The following MAF variants were observed in gnomAD, a reference collection of about 807,000 sequenced individuals.
MAF encodes transcription factor Maf.
A neutral mutation model predicts 22.0 loss-of-function variants in MAF; 10 were observed. That is an observed-to-expected ratio of 0.45 (90% CI 0.28 to 0.77). The LOEUF (loss-of-function observed/expected upper bound fraction) is 0.77, where lower values mean the gene tolerates loss of function less well. Among genes scored for constraint, MAF ranks in the 30% least tolerant of loss-of-function variants. The probability of loss-of-function intolerance (pLI) is 0.12; values close to 1 mark genes in which losing one functional copy is unlikely to be tolerated. For synonymous variants in MAF, 337 were observed against 255.8 expected (o/e 1.32, Z -3.03); for missense variants, 544 against 548.4 (o/e 0.99, Z 0.08).
the MAF span, among the ~76,000 whole-genome samples, chr16:79,529,998 A>G: frequency 6.6e-6 from 1 of 152,170 alleles, no homozygotes; most frequent in African/African-American, 2.4e-5. Flanking sequence ...TTAATTTTCA[A>G]TAGAGGATGA....
At chr16:79,305,757 G>A in the MAF span, among the ~76,000 whole-genome samples, 821 of 152,334 alleles carry the variant, frequency 5.4e-3, 5 homozygotes, top group Non-Finnish European at 9.2e-3. Flanking sequence ...GGAATTTACT[G>A]AAAGGTCAAT....
At chr16:79,575,855 A>G in the MAF span, among the ~76,000 whole-genome samples, 7 of 152,272 alleles carry the variant, frequency 4.6e-5, no homozygotes, top group Non-Finnish European at 7.4e-5. Flanking sequence ...AAATTAACAC[A>G]TTCTTATACT....
At chr16:79,498,065 T>A in the MAF span, among the ~76,000 whole-genome samples, 1 of 152,162 alleles carries the variant, frequency 6.6e-6, no homozygotes, top group Non-Finnish European at 1.5e-5. Context: ...TGCACCCAGA[T>A]GAAATCAGCA....
chr16:79,229,754 C>G, the MAF span, among the ~76,000 whole-genome samples: 2 of 151,962 alleles, frequency 1.3e-5, no homozygotes, highest in South Asian at 2.1e-4. Context: ...ATACTTTGTA[C>G]CTCCGGGATT....
the MAF span, among the ~76,000 whole-genome samples, chr16:79,334,598 C>A: frequency 6.6e-6 from 1 of 152,104 alleles, no homozygotes; most frequent in South Asian, 2.1e-4. Flanking sequence ...GGGTCTCTTG[C>A]TAAAAAATTC....
At chr16:79,472,314 A>G in the MAF span, among the ~76,000 whole-genome samples, 1 of 152,234 alleles carries the variant, frequency 6.6e-6, no homozygotes, top group Non-Finnish European at 1.5e-5. Flanking sequence ...AAAGACTTCT[A>G]TGTGAATTCA....
the MAF span, among the ~76,000 whole-genome samples, chr16:79,493,187 GTTT>G: frequency 1.4e-5 from 2 of 140,530 alleles, no homozygotes; most frequent in African/African-American, 2.6e-5. Context: ...TTGTTTTTTT[GTTT>G]TTGTTTTTTT....
chr16:79,213,840 T>C, the MAF span, among the ~76,000 whole-genome samples: 6 of 152,232 alleles, frequency 3.9e-5, no homozygotes, highest in African/African-American at 7.2e-5. Context: ...GATTACATGT[T>C]ACTCAGCAAA....
chr16:79,380,140 A>T, the MAF span, among the ~76,000 whole-genome samples: 1 of 152,218 alleles, frequency 6.6e-6, no homozygotes, highest in African/African-American at 2.4e-5. Flanking sequence ...CTCACTATTT[A>T]ATCATGGCTG....
the MAF span, among the ~76,000 whole-genome samples, chr16:79,423,646 T>C: frequency 2.6e-3 from 399 of 152,320 alleles, 3 homozygotes; most frequent in African/African-American, 9.1e-3. Context: ...TCAACAGAGA[T>C]AGCATGTCCC....
chr16:79,330,903 T>G, the MAF span, among the ~76,000 whole-genome samples: 1 of 152,190 alleles, frequency 6.6e-6, no homozygotes, highest in Non-Finnish European at 1.5e-5. Flanking sequence ...TTCCCATCCC[T>G]TCTGCAAAGC....
chr16:79,455,054 C>G, the MAF span, among the ~76,000 whole-genome samples: 2 of 151,666 alleles, frequency 1.3e-5, no homozygotes, highest in African/African-American at 4.8e-5. Flanking sequence ...CGAGATCGCA[C>G]CATTGCACTA....
chr16:79,555,241 C>A, the MAF span, among the ~76,000 whole-genome samples: 4 of 152,180 alleles, frequency 2.6e-5, no homozygotes, highest in Non-Finnish European at 5.9e-5. Flanking sequence ...CCTGGGATTG[C>A]AATTCCCAGT....
chr16:79,334,317 C>G, the MAF span, among the ~76,000 whole-genome samples: 1 of 152,116 alleles, frequency 6.6e-6, no homozygotes, highest in African/African-American at 2.4e-5. Context: ...GCGTCCAGAC[C>G]CTGCAGCGCA....
At chr16:79,449,975 T>A in the MAF span, among the ~76,000 whole-genome samples, 2 of 152,228 alleles carry the variant, frequency 1.3e-5, no homozygotes, top group East Asian at 3.8e-4. Context: ...TCTTTCAGAA[T>A]AGTTTGGAAT....
the MAF span, among the ~76,000 whole-genome samples, chr16:79,305,619 G>C: frequency 3.3e-5 from 5 of 152,186 alleles, no homozygotes; most frequent in Non-Finnish European, 7.3e-5. Flanking sequence ...GTGCACCAGA[G>C]AGATAATAGA....
At chr16:79,232,104 G>T in the MAF span, among the ~76,000 whole-genome samples, 1 of 152,058 alleles carries the variant, frequency 6.6e-6, no homozygotes, top group African/African-American at 2.4e-5. Context: ...AATTACAGAT[G>T]AAGTTTTGTT....
chr16:79,219,238 G>C, the MAF span, among the ~76,000 whole-genome samples: 4 of 152,146 alleles, frequency 2.6e-5, no homozygotes, highest in Admixed American at 2.0e-4. Flanking sequence ...TTCACCAAGA[G>C]CTTGTCCTGT....
At chr16:79,421,317 T>C in the MAF span, among the ~76,000 whole-genome samples, 8 of 152,214 alleles carry the variant, frequency 5.3e-5, no homozygotes, top group Admixed American at 2.6e-4. Flanking sequence ...GTATCCACTA[T>C]TCTAGTATCA....
Sources: gnomAD v4.1 joint callset for allele counts (sites outside exome capture counted in the v4.1 genomes callset) on GRCh38, gnomAD v4.1.1 for gene constraint, MANE v1.5 for transcripts, NCBI Gene and HGNC (gene_info 2026-07-23, HGNC 2026-07-21) for gene names.